Variants in PLCE1 observed in about 807,000 individuals in gnomAD.
The protein encoded by PLCE1 is 1-phosphatidylinositol 4,5-bisphosphate phosphodiesterase epsilon-1.
PLCE1 carries 119 observed loss-of-function variants against 242.8 expected under a neutral mutation model. That is an observed-to-expected ratio of 0.49 (90% CI 0.42 to 0.57). PLCE1 has a LOEUF of 0.57. Among genes scored for constraint, PLCE1 ranks in the 20% least tolerant of loss-of-function variants. The pLI is 0.00. For synonymous variants in PLCE1, 945 were observed against 1,017.4 expected (o/e 0.93, Z 1.35); for missense variants, 2,441 against 2,788.8 (o/e 0.88, Z 2.81).
At chr10:94,039,661 C>T (rs1279681812) in intron 2 of PLCE1, among the ~76,000 whole-genome samples, 2 of 152,214 alleles carry the variant, frequency 1.3e-5, no homozygotes, top group Non-Finnish European at 2.9e-5. Context: ...GGTGGGATTA[C>T]AGGCGTGAGC....
At chr10:94,102,401 TA>T (rs2045571990) in intron 2 of PLCE1, among the ~76,000 whole-genome samples, 2 of 152,354 alleles carry the variant, frequency 1.3e-5, no homozygotes, top group Admixed American at 1.3e-4. Context: ...CATGGTAATG[TA>T]AAACATAAGC....
intron 4 of PLCE1, among the ~76,000 whole-genome samples, chr10:94,216,437 C>G (rs1169247312): frequency 6.6e-6 from 1 of 152,142 alleles, no homozygotes; most frequent in East Asian, 1.9e-4. Flanking sequence ...AGGGTAGACA[C>G]TCAGGAATGA....
chr10:94,190,706 G>T (rs1425807822), intron 4 of PLCE1, among the ~76,000 whole-genome samples: 1 of 152,208 alleles, frequency 6.6e-6, no homozygotes, highest in Non-Finnish European at 1.5e-5. Context: ...TCTCCATTGT[G>T]ACTATTATCA....
chr10:94,021,336 GTA>G (rs779326149), intron 1 of PLCE1, among the ~76,000 whole-genome samples: 43 of 144,210 alleles, frequency 3.0e-4, no homozygotes, highest in Non-Finnish European at 5.6e-4. Flanking sequence ...AAAATTTTCT[GTA>G]TCCCAAGGTC....
intron 4 of PLCE1, among the ~76,000 whole-genome samples, chr10:94,226,844 T>C (rs1173024885): frequency 2.8e-5 from 4 of 141,526 alleles, no homozygotes; most frequent in African/African-American, 1.1e-4. Flanking sequence ...TTTTTTTTTT[T>C]TTTTTTTTTT....
chr10:94,198,439 T>G (rs2048891920), intron 4 of PLCE1, among the ~76,000 whole-genome samples: 1 of 152,228 alleles, frequency 6.6e-6, no homozygotes, highest in Non-Finnish European at 1.5e-5. Context: ...CTTTCCTTTT[T>G]TAAATTGAAC....
chr10:94,228,127 G>T (rs1033995777), intron 5 of PLCE1, among the ~76,000 whole-genome samples: 2 of 152,200 alleles, frequency 1.3e-5, no homozygotes, highest in African/African-American at 4.8e-5. Context: ...TGACCACTAT[G>T]ATATCCTGTT....
intron 3 of PLCE1, among the ~76,000 whole-genome samples, chr10:94,149,785 C>T (rs565644724): frequency 2.0e-5 from 3 of 152,126 alleles, no homozygotes; most frequent in Non-Finnish European, 4.4e-5. Context: ...ATGATAAAAC[C>T]CACTCAGATT....
intron 3 of PLCE1, among the ~76,000 whole-genome samples, chr10:94,152,562 T>C (rs2047307878): frequency 6.6e-6 from 1 of 152,346 alleles, no homozygotes; most frequent in African/African-American, 2.4e-5. Context: ...CAGAATTCTG[T>C]CCTCATTAGT....
chr10:94,327,307 G>C (rs9665608), intron 32 of PLCE1, among the ~76,000 whole-genome samples: 4,100 of 151,154 alleles, frequency 0.027, 183 homozygotes, highest in African/African-American at 0.091. Flanking sequence ...GAAGTTTAGA[G>C]TTTAGGACCA....
intron 4 of PLCE1, among the ~76,000 whole-genome samples, chr10:94,177,664 T>C (rs1250962627): frequency 2.6e-5 from 4 of 152,210 alleles, no homozygotes; most frequent in Non-Finnish European, 4.4e-5. Flanking sequence ...TGTTCTTTTT[T>C]CCTATCCTTC....
Position 94,273,696 on chromosome 10 carries a change from G to A in PLCE1, c.4641G>A (p.Thr1547=), listed in dbSNP as rs373001036. 32 of 1,613,802 alleles carry A rather than the reference G, an allele frequency of 2.0e-5. No homozygotes were observed. The highest frequency in any genetic ancestry group is 4.0e-5 in the African/African-American group (3 of 74,908). ...ACAAGAAGCTAAAAGCCCATCAGACGCCAGTGGATATCTTAAAGCAAAAGG... is the reference window on the plus strand; with the variant it reads ...ACAAGAAGCTAAAAGCCCATCAGACACCAGTGGATATCTTAAAGCAAAAGG... ...LKNKKLKAHQ[T]PVDILKQKAH... Residue 1547 remains threonine (T), a synonymous_variant, in exon 19 of 33, where the codon ACG becomes ACA. Coordinates refer to ENST00000371380, the MANE Select transcript of PLCE1 (RefSeq NM_016341.4).
intron 4 of PLCE1, among the ~76,000 whole-genome samples, chr10:94,198,111 G>A (rs2048882565): frequency 6.6e-6 from 1 of 151,764 alleles, no homozygotes. Flanking sequence ...TTTATAGATT[G>A]GCTGTTGTCA....
intron 3 of PLCE1, among the ~76,000 whole-genome samples, chr10:94,134,029 G>A (rs949554603): frequency 6.6e-6 from 1 of 151,988 alleles, no homozygotes; most frequent in Non-Finnish European, 1.5e-5. Context: ...GTGATGGTAT[G>A]CCAGGGCCTT....
At chr10:94,163,620 T>C (rs1387112305) in intron 3 of PLCE1, among the ~76,000 whole-genome samples, 3 of 152,106 alleles carry the variant, frequency 2.0e-5, no homozygotes, top group Non-Finnish European at 4.4e-5. Context: ...AATTTGCCAG[T>C]CTGTGTCTTT....
intron 1 of PLCE1, among the ~76,000 whole-genome samples, chr10:93,994,504 C>T (rs2060783235): frequency 6.6e-6 from 1 of 152,242 alleles, no homozygotes; most frequent in Non-Finnish European, 1.5e-5. Context: ...CAGGTCGCCC[C>T]TTCGTGTTGT....
At chr10:94,069,097 C>A (rs754610797) in intron 2 of PLCE1, among the ~76,000 whole-genome samples, 4 of 152,196 alleles carry the variant, frequency 2.6e-5, no homozygotes, top group African/African-American at 4.8e-5. Context: ...CTCAGAGAAG[C>A]TAAATAATTT....
intron 3 of PLCE1, among the ~76,000 whole-genome samples, chr10:94,148,837 A>G (rs2047193026): frequency 6.6e-6 from 1 of 152,198 alleles, no homozygotes; most frequent in Admixed American, 6.5e-5. Flanking sequence ...CAGCCTTGCC[A>G]ATGGATTCCA....
At chr10:94,065,723 A>T (rs2044178507) in intron 2 of PLCE1, among the ~76,000 whole-genome samples, 1 of 152,218 alleles carries the variant, frequency 6.6e-6, no homozygotes, top group African/African-American at 2.4e-5. Flanking sequence ...ACACTCTGCC[A>T]GAAAAGGTCA....
Sources: gnomAD v4.1 joint callset for allele counts (sites outside exome capture counted in the v4.1 genomes callset) on GRCh38, gnomAD v4.1.1 for gene constraint, MANE v1.5 for transcripts, NCBI Gene and HGNC (gene_info 2026-07-23, HGNC 2026-07-21) for gene names.